AGPS: variants seen among roughly 807,000 people sequenced by gnomAD.
AGPS encodes the protein alkylglycerone phosphate synthase, also known as alkyldihydroxyacetonephosphate synthase, peroxisomal.
AGPS carries 26 observed loss-of-function variants against 90.7 expected under a neutral mutation model. That is an observed-to-expected ratio of 0.29 (90% CI 0.21 to 0.40). The LOEUF is 0.40. Among genes scored for constraint, AGPS ranks in the 10% least tolerant of loss-of-function variants. The pLI, the probability that AGPS is intolerant of heterozygous loss-of-function variation, is 1.00. For missense variants in AGPS, 540 were observed against 816.1 expected (o/e 0.66, Z 4.12); for synonymous variants, 294 against 285.3 (o/e 1.03, Z -0.31).
chr2:177,522,909 A>G (rs1689242376), intron 18 of AGPS, among the ~76,000 whole-genome samples: 1 of 152,206 alleles, frequency 6.6e-6, no homozygotes, highest in Non-Finnish European at 1.5e-5. Context: ...CGTAGCCATT[A>G]TATATTCACG....
chr2:177,535,016 A>G (rs997473358), intron 19 of AGPS, among the ~76,000 whole-genome samples: 2 of 152,242 alleles, frequency 1.3e-5, no homozygotes, highest in Admixed American at 1.3e-4. Flanking sequence ...ATGGAATGCA[A>G]GGTACTTATC....
In AGPS at chr2:177,393,330, C is replaced by G. The variant is rs942237356; in HGVS notation, c.260+281C>G. 3 of 985,240 alleles carry G rather than the reference C, an allele frequency of 3.0e-6. No individual in the cohort carries two copies. The African/African-American group carries it at 5.2e-5, about 17-fold the overall frequency. The allele number at this position is 985,240 out of a possible 1,614,324, so 61.0% of individuals were successfully genotyped here. On this transcript the variant is annotated intron_variant, in intron 1 of 19. Transcript: ENST00000264167. ...GTTTAAAGGATTCCTTTTTCCTGAG[C>G]TTTTAGTGCCAGGAATTCATTTTTT... is the stretch of plus-strand genomic sequence containing the variant.
intron 17 of AGPS, among the ~76,000 whole-genome samples, chr2:177,517,135 G>A (rs753070999): frequency 1.1e-4 from 17 of 151,936 alleles, no homozygotes; most frequent in Non-Finnish European, 2.1e-4. Flanking sequence ...AATTCTTTGT[G>A]GGAGCCTCTG....
intron 1 of AGPS, among the ~76,000 whole-genome samples, chr2:177,409,156 CT>C (rs1478232016): frequency 3.5e-5 from 1 of 28,514 alleles, no homozygotes; most frequent in Non-Finnish European, 1.9e-4. Context: ...GTAGAAGGGG[CT>C]ACTGCTGATT....
chr2:177,504,704 G>A (rs951103892), intron 14 of AGPS, among the ~76,000 whole-genome samples: 6 of 151,998 alleles, frequency 3.9e-5, no homozygotes, highest in East Asian at 3.8e-4. Flanking sequence ...GTTAATTGAG[G>A]TGATAAGATA....
intron 9 of AGPS, among the ~76,000 whole-genome samples, chr2:177,466,972 C>T (rs1441683616): frequency 6.6e-6 from 1 of 152,174 alleles, no homozygotes; most frequent in Non-Finnish European, 1.5e-5. Context: ...CACAGCTGCA[C>T]TCAGGAATGC....
intron 1 of AGPS, among the ~76,000 whole-genome samples, chr2:177,412,905 C>A (rs1685660424): frequency 6.6e-6 from 1 of 152,226 alleles, no homozygotes; most frequent in Admixed American, 6.5e-5. Flanking sequence ...CAATGGCAAG[C>A]CTTTAGCCCG....
chr2:177,505,623 A>G (rs1160956902), intron 15 of AGPS, 48 bp downstream of exon 15: 9 of 1,527,272 alleles, frequency 5.9e-6, no homozygotes, highest in Non-Finnish European at 8.2e-6. Context: ...GTTGCAAACA[A>G]TACTTTTTCT....
intron 1 of AGPS, among the ~76,000 whole-genome samples, chr2:177,400,199 C>T (rs1685295610): frequency 6.6e-6 from 1 of 152,118 alleles, no homozygotes; most frequent in Non-Finnish European, 1.5e-5. Context: ...CTCCCAGGTA[C>T]TAAATCATTT....
intron 12 of AGPS, among the ~76,000 whole-genome samples, chr2:177,494,363 C>T (rs901866868): frequency 6.6e-6 from 1 of 152,026 alleles, no homozygotes; most frequent in African/African-American, 2.4e-5. Flanking sequence ...ATACTACTGA[C>T]AAAAGTTTAA....
chr2:177,472,026 T>G (rs527947378), intron 10 of AGPS, among the ~76,000 whole-genome samples: 3 of 152,144 alleles, frequency 2.0e-5, no homozygotes, highest in African/African-American at 7.2e-5. Flanking sequence ...TTATTTTGCT[T>G]CAGCACCCAG....
intron 11 of AGPS, 32 bp from the exon 12 acceptor site, chr2:177,493,116 T>A (rs748371830): frequency 6.3e-7 from 1 of 1,582,572 alleles, no homozygotes; most frequent in Non-Finnish European, 8.7e-7. Flanking sequence ...TGTATTAAAT[T>A]TGTATCACTT....
At chr2:177,499,071 A>G (rs1014043229) in intron 13 of AGPS, among the ~76,000 whole-genome samples, 2 of 151,888 alleles carry the variant, frequency 1.3e-5, no homozygotes, top group African/African-American at 4.8e-5. Context: ...TACTTAGTTT[A>G]TGCATTTGGG....
At chr2:177,416,958 A>T (rs894327985) in intron 1 of AGPS, among the ~76,000 whole-genome samples, 4 of 152,204 alleles carry the variant, frequency 2.6e-5, no homozygotes, top group Non-Finnish European at 5.9e-5. Context: ...AATCTTATGG[A>T]AAGTTGATGA....
intron 19 of AGPS, among the ~76,000 whole-genome samples, chr2:177,524,371 G>A (rs919419756): frequency 2.0e-5 from 3 of 152,100 alleles, no homozygotes; most frequent in Non-Finnish European, 2.9e-5. Context: ...ATTACAATAT[G>A]TCTATCTTTG....
chr2:177,452,680 A>G (rs992056890), intron 8 of AGPS, among the ~76,000 whole-genome samples: 1 of 151,926 alleles, frequency 6.6e-6, no homozygotes, highest in Non-Finnish European at 1.5e-5. Flanking sequence ...AGTGTGATTT[A>G]TTGTGGTTTA....
intron 9 of AGPS, among the ~76,000 whole-genome samples, chr2:177,462,824 A>C (rs1687340759): frequency 6.6e-6 from 1 of 152,192 alleles, no homozygotes; most frequent in Non-Finnish European, 1.5e-5. Context: ...GTGCTGTTTT[A>C]TGTAAGGGAC....
intron 1 of AGPS, among the ~76,000 whole-genome samples, chr2:177,406,989 A>C (rs1267883030): frequency 6.6e-6 from 1 of 152,008 alleles, no homozygotes; most frequent in Non-Finnish European, 1.5e-5. Flanking sequence ...AATAATTTGT[A>C]CTCCTTGTGT....
chr2:177,431,616 G>C (rs950609167), intron 2 of AGPS, among the ~76,000 whole-genome samples: 6 of 152,086 alleles, frequency 3.9e-5, no homozygotes, highest in Non-Finnish European at 8.8e-5. Context: ...TCCCTCCCCA[G>C]GGTATTAATT....
Sources: gnomAD v4.1 joint callset for allele counts (sites outside exome capture counted in the v4.1 genomes callset) on GRCh38, gnomAD v4.1.1 for gene constraint, MANE v1.5 for transcripts, NCBI Gene and HGNC (gene_info 2026-07-23, HGNC 2026-07-21) for gene names.